WFIKKN1: variants seen among roughly 807,000 people sequenced by gnomAD.
WFIKKN1 encodes WAP, follistatin/kazal, immunoglobulin, kunitz and netrin domain containing 1, also known as WAP, Kazal, immunoglobulin, Kunitz and NTR domain-containing protein 1.
A neutral mutation model predicts 4.6 loss-of-function variants in WFIKKN1; 6 were observed. That is an observed-to-expected ratio of 1.31 (90% CI 0.72 to 2.59). The LOEUF is 2.59. WFIKKN1 is among the 30% of genes most tolerant of loss of function. The pLI, the probability that WFIKKN1 is intolerant of heterozygous loss-of-function variation, is 0.00. For synonymous variants in WFIKKN1, 468 were observed against 367.4 expected (o/e 1.27, Z -3.13); for missense variants, 964 against 818.0 (o/e 1.18, Z -2.18).
rs548937995 is a variant in WFIKKN1, at chr16:631,163, G to A, written c.-91G>A. 1.6e-4 allele frequency: 220 copies of A among 1,418,566 alleles called. 1 individual carries two copies. Among genetic ancestry groups the A allele is most frequent in the South Asian group, 1.9e-4 (14 of 72,024 alleles). 87.9% of individuals were successfully genotyped at this position (1,418,566 alleles called of 1,614,324 possible). A position where few individuals can be genotyped will look rare whatever the true frequency, so the allele number is the denominator to read the frequency against. On this transcript the variant is annotated 5_prime_UTR_variant, in exon 1 of 2. Transcript: ENST00000319070. Reference sequence around the variant, plus strand: ...TGGTGGGGGCACCGACCACAGGCCCGGAGGGTGGATGCCTGCAGGAAGCTG... The same window carrying A: ...TGGTGGGGGCACCGACCACAGGCCCAGAGGGTGGATGCCTGCAGGAAGCTG...
At position 632,769 on chromosome 16, in the gene WFIKKN1, G is replaced by A; in HGVS notation, c.359G>A (p.Cys120Tyr). ...GQPVCRCRDR[C>Y]EKEPSFTCAS... ...CCCGTGTGCCGCTGCCGCGACCGCTGTGAGAAGGAGCCCAGCTTCACCTGC... is the reference window on the plus strand; with the variant it reads ...CCCGTGTGCCGCTGCCGCGACCGCTATGAGAAGGAGCCCAGCTTCACCTGC... The change falls in exon 2 of 2, where the codon TGT becomes TAT. Residue 120 changes from cysteine (C) to tyrosine (Y), a missense_variant. Coordinates refer to ENST00000319070, the MANE Select transcript of WFIKKN1 (RefSeq NM_053284.3). The A allele has an allele frequency of 1.2e-6, 2 of 1,607,090 alleles. No individual in the cohort carries two copies. Among genetic ancestry groups the A allele is most frequent in the Non-Finnish European group, 1.7e-6 (2 of 1,176,844 alleles).
At position 631,243 on chromosome 16, in the gene WFIKKN1, C is replaced by T. The variant is rs747133418; in HGVS notation, c.-11C>T. On this transcript the variant is annotated 5_prime_UTR_variant, in exon 1 of 2. Coordinates refer to ENST00000319070, the MANE Select transcript of WFIKKN1 (RefSeq NM_053284.3). ...GGCCACACCCCCCGGCCCCCTGGCT[C>T]GGCGGCCCTCATGCCCGCCCTACGT... The T allele has an allele frequency of 1.7e-4, 258 of 1,547,256 alleles. No individual in the cohort carries two copies. The highest frequency in any genetic ancestry group is 2.6e-4 in the African/African-American group (19 of 72,604).
chr16:631,267 G>A lies in WFIKKN1; in HGVS notation c.14G>A (p.Arg5His), dbSNP rs370788184. Residue 5 changes from arginine to histidine, a missense_variant, in exon 1 of 2, where the codon CGT becomes CAT. Coordinates refer to ENST00000319070, the MANE Select transcript of WFIKKN1 (RefSeq NM_053284.3). The part of the protein sequence containing the change: MPAL[R>H]PLLPLLLLLR... ...TCGGCGGCCCTCATGCCCGCCCTAC[G>A]TCCACTCCTGCCGCTCCTGCTCCTC... 129 of 1,571,102 alleles carry A rather than the reference G, an allele frequency of 8.2e-5. No individual in the cohort carries two copies. The African/African-American group carries it at 1.5e-3, about 18-fold the overall frequency.
chr16:632,432 C>T, intron 1 of WFIKKN1, 150 bp from the exon 2 acceptor site: 2 of 1,006,068 alleles, frequency 2.0e-6, no homozygotes, highest in Non-Finnish European at 2.7e-6. Context: ...GCTCCTCACA[C>T]AGGATGGAAA....
rs780523153 is a variant in WFIKKN1, at chr16:633,192, A to G, written c.782A>G (p.Tyr261Cys). 4 of 1,594,262 alleles carry G rather than the reference A, an allele frequency of 2.5e-6. No individual in the cohort carries two copies. In the East Asian group the frequency reaches 9.1e-5, roughly 36 times the overall value. Reference protein sequence around the residue: ...YNARPEDAGLYTCTARNAAGL... With the variant: ...YNARPEDAGLCTCTARNAAGL... ...GCGCGGCCCGAAGACGCCGGCCTGT[A>G]CACCTGCACCGCGCGCAACGCTGCT... The change falls in exon 2 of 2, where the codon TAC (tyrosine) becomes TGC (cysteine). Residue 261 changes from tyrosine (Y) to cysteine (C), a missense_variant. Tyr to Cys is a radical substitution (Grantham distance 194). Coordinates refer to ENST00000319070, the MANE Select transcript of WFIKKN1 (RefSeq NM_053284.3).
Position 632,922 on chromosome 16 carries a change from C to T in WFIKKN1, c.512C>T (p.Pro171Leu), listed in dbSNP as rs199891171. ...TGGCCGCCCAGCAGCCCGGGGCCGC[C>T]GGAGACCACTGCCCGCCCCACACCT... Reference protein sequence around the residue: ...LSWPPSSPGPPETTARPTPGA... With the variant: ...LSWPPSSPGPLETTARPTPGA... Residue 171 changes from proline to leucine, a missense_variant, in exon 2 of 2, where the codon CCG becomes CTG. By Grantham distance (98) the Pro-to-Leu change is moderately conservative (BLOSUM62 -3). Transcript: ENST00000319070. 2.9e-5 allele frequency: 46 copies of T among 1,560,578 alleles called. No homozygotes were observed. Among genetic ancestry groups the T allele is most frequent in the South Asian group, 1.1e-4 (9 of 82,980 alleles).
intron 1 of WFIKKN1, 80 bp downstream of exon 1, chr16:631,504 C>G: frequency 6.5e-7 from 1 of 1,528,854 alleles, no homozygotes. Flanking sequence ...CACCTTCTGC[C>G]TGGGCTCCCC....
rs746502397 is a variant in WFIKKN1 at position 633,075 on chromosome 16, A to G, written c.665A>G (p.Gln222Arg). Residue 222 changes from glutamine to arginine, a missense_variant, in exon 2 of 2, where the codon CAG becomes CGG. By Grantham distance (43) the Gln-to-Arg change is conservative. Coordinates refer to ENST00000319070, the MANE Select transcript of WFIKKN1 (RefSeq NM_053284.3). Reference protein sequence around the residue: ...RPPPAVTWEKQSHQRENLIMR... With the variant: ...RPPPAVTWEKRSHQRENLIMR... ...CCGCCTGCTGTGACCTGGGAGAAGC[A>G]GAGTCACCAGCGAGAGAACCTGATC... 3 of 1,612,188 alleles carry G rather than the reference A, an allele frequency of 1.9e-6. No homozygotes were observed. The highest frequency in any genetic ancestry group is 2.2e-5 in the East Asian group (1 of 44,864).
At position 633,722 on chromosome 16, in the gene WFIKKN1, G is replaced by A. The variant is rs572309026; in HGVS notation, c.1312G>A (p.Val438Met). The change falls in exon 2 of 2, where the codon GTG (valine) becomes ATG (methionine). Residue 438 changes from valine to methionine, a missense_variant. Physicochemically the swap from Val to Met is conservative, Grantham distance 21. Coordinates refer to ENST00000319070, the MANE Select transcript of WFIKKN1 (RefSeq NM_053284.3). ...CCTGTGCCGCAGCGACTTCGCCATC[G>A]TGGGGCGGCTCACGGAGGTGCTGGA... ...LSLCRSDFAI[V>M]GRLTEVLEEP... 5 of 1,588,006 alleles carry A rather than the reference G, an allele frequency of 3.1e-6. No individual in the cohort carries two copies. Among genetic ancestry groups the A allele is most frequent in the African/African-American group, 2.7e-5 (2 of 74,452 alleles).
rs1258258976 is a variant in WFIKKN1 at position 631,207 on chromosome 16, G to A, written c.-47G>A. On this transcript the variant is annotated 5_prime_UTR_variant, in exon 1 of 2. Transcript: ENST00000319070. ...GAAGCTGGGCTCTGTGGAGCCCGAG[G>A]AGGGGCTGGTGGCCACACCCCCCGG... 6.6e-7 allele frequency: 1 copy of A among 1,517,856 alleles called. No homozygotes were observed. The highest frequency in any genetic ancestry group is 2.0e-5 in the Admixed American group (1 of 49,440). 94.0% of individuals were successfully genotyped at this position (1,517,856 alleles called of 1,614,324 possible). A position where few individuals can be genotyped will look rare whatever the true frequency, so the allele number is the denominator to read the frequency against.
Position 633,145 on chromosome 16 carries a change from C to T in WFIKKN1, c.735C>T (p.Ile245=), listed in dbSNP as rs184748187. The change falls in exon 2 of 2, where the codon ATC becomes ATT. Residue 245 remains isoleucine, a synonymous_variant. Transcript: ENST00000319070. ...ATGGCAACGTGGTGGTCACCAGCAT[C>T]GGGCAGCTGGTGCTCTACAACGCGC... is the stretch of plus-strand genomic sequence containing the variant. ...QMYGNVVVTS[I]GQLVLYNARP... The T allele has an allele frequency of 5.0e-6, 8 of 1,605,418 alleles. No individual in the cohort carries two copies. The African/African-American group carries it at 5.4e-5, about 11-fold the overall frequency.
chr16:633,489 T>C lies in WFIKKN1; in HGVS notation c.1079T>C (p.Val360Ala). 1 of 1,519,938 alleles carries C rather than the reference T, an allele frequency of 6.6e-7. No homozygotes were observed. 94.2% of individuals were successfully genotyped at this position (1,519,938 alleles called of 1,614,324 possible). ...ACARGPGDAC[V>A]LPAVQGPCRG... ...GCCCGCGGCCCCGGCGACGCCTGCG[T>C]GCTGCCTGCCGTGCAGGGCCCCTGC... Residue 360 changes from valine to alanine, a missense_variant, in exon 2 of 2, where the codon GTG becomes GCG. Transcript: ENST00000319070.
chr16:634,059 C>A lies in WFIKKN1; in HGVS notation c.*2C>A. ...CTGCTCAACCGCTTCCAGGACTAGC[C>A]CCCGCAGGGGCCTGCGCCACCCCGT... On this transcript the variant is annotated 3_prime_UTR_variant, in exon 2 of 2. Coordinates refer to ENST00000319070, the MANE Select transcript of WFIKKN1 (RefSeq NM_053284.3). The A allele has an allele frequency of 6.4e-7, 1 of 1,565,620 alleles. No individual in the cohort carries two copies. Among genetic ancestry groups the A allele is most frequent in the South Asian group, 1.2e-5 (1 of 84,430 alleles).
rs1447126105 is a variant in WFIKKN1, at chr16:633,862, C to T, written c.1452C>T (p.Gly484=). The T allele has an allele frequency of 6.3e-6, 10 of 1,596,564 alleles. No homozygotes were observed. Among genetic ancestry groups the T allele is most frequent in the Non-Finnish European group, 8.5e-6 (10 of 1,172,390 alleles). ...AGTACCTGGAGGTGACGCTGAGTGG[C>T]ATGGACTGGGCCTGCCCCTGCCCCA... is the stretch of plus-strand genomic sequence containing the variant. ...GTKYLEVTLS[G]MDWACPCPNM... The change falls in exon 2 of 2, where the codon GGC becomes GGT. Residue 484 remains glycine, a synonymous_variant. Transcript: ENST00000319070.
chr16:633,638 C>T lies in WFIKKN1; in HGVS notation c.1228C>T (p.Pro410Ser). The T allele has an allele frequency of 6.4e-7, 1 of 1,569,170 alleles. No individual in the cohort carries two copies. The highest frequency in any genetic ancestry group is 1.4e-5 in the African/African-American group (1 of 72,932). ...HSRESCEDAC[P>S]VPRTPPCRAC... Reference sequence around the variant, plus strand: ...CCGCGAGAGCTGCGAGGATGCCTGCCCCGTGCCGCGCACACCGCCCTGCCG... The same window carrying T: ...CCGCGAGAGCTGCGAGGATGCCTGCTCCGTGCCGCGCACACCGCCCTGCCG... Residue 410 changes from proline to serine, a missense_variant, in exon 2 of 2, where the codon CCC becomes TCC. Transcript: ENST00000319070.
intron 1 of WFIKKN1, 88 bp from the exon 2 acceptor site, chr16:632,494 C>A: frequency 7.2e-7 from 1 of 1,383,154 alleles, no homozygotes; most frequent in South Asian, 1.7e-5. Context: ...TCCCTGCTAC[C>A]CCACCTGGGC....
rs1424931976 is a variant in WFIKKN1, at chr16:632,700, T to C, written c.290T>C (p.Val97Ala). 1 of 1,609,780 alleles carries C rather than the reference T, an allele frequency of 6.2e-7. No individual in the cohort carries two copies. Among genetic ancestry groups the C allele is most frequent in the Admixed American group, 1.7e-5 (1 of 59,748 alleles). ...ACAGCGGCCTCCTGCGAGGGCTTTG[T>C]GTGCCCACAGCAGGGCTCGGACTGC... ...PTTAASCEGF[V>A]CPQQGSDCDI... The change falls in exon 2 of 2, where the codon GTG becomes GCG. Residue 97 changes from valine to alanine, a missense_variant. Transcript: ENST00000319070.
Position 632,425 on chromosome 16 carries a change from C to T in WFIKKN1, c.172-157C>T, listed in dbSNP as rs909510732. The T allele has an allele frequency of 4.3e-6, 4 of 920,512 alleles. No individual in the cohort carries two copies. The African/African-American group carries it at 5.2e-5, about 12-fold the overall frequency. 57.0% of individuals were successfully genotyped at this position (920,512 alleles called of 1,614,324 possible). ...AGGTGGCACCTCTGGCGAGGTGGCT[C>T]CTCACACAGGATGGAAAGGACACTG... On this transcript the variant is annotated intron_variant, in intron 1 of 1. Transcript: ENST00000319070.
rs865864230 is a variant in WFIKKN1, at chr16:633,015, C to T, written c.605C>T (p.Thr202Met). 3.1e-6 allele frequency: 5 copies of T among 1,606,754 alleles called. No homozygotes were observed. Among genetic ancestry groups the T allele is most frequent in the African/African-American group, 1.3e-5 (1 of 74,772 alleles). The change falls in exon 2 of 2, where the codon ACG (threonine) becomes ATG (methionine). Residue 202 changes from threonine (T) to methionine (M), a missense_variant. Coordinates refer to ENST00000319070, the MANE Select transcript of WFIKKN1 (RefSeq NM_053284.3). Reference protein sequence around the residue: ...PSPQAVQVGGTASLHCDVSGR... With the variant: ...PSPQAVQVGGMASLHCDVSGR... Reference sequence around the variant, plus strand: ...CCACAGGCGGTGCAGGTTGGGGGTACGGCCAGCCTCCACTGCGACGTCAGC... The same window carrying T: ...CCACAGGCGGTGCAGGTTGGGGGTATGGCCAGCCTCCACTGCGACGTCAGC...
Sources: allele counts gnomAD v4.1 joint callset, GRCh38; gene constraint gnomAD v4.1.1; transcripts MANE v1.5; gene names NCBI Gene and HGNC (gene_info 2026-07-23, HGNC 2026-07-21).